The following KCNB2 variants were observed in gnomAD, a reference collection of about 807,000 sequenced individuals.
KCNB2 encodes the protein delayed rectifier potassium channel protein.
KCNB2 carries 15 observed loss-of-function variants against 61.5 expected under a neutral mutation model. That is an observed-to-expected ratio of 0.24 (90% CI 0.16 to 0.38). The LOEUF (loss-of-function observed/expected upper bound fraction) is 0.38. KCNB2 is among the 10% of genes least tolerant of loss of function. The pLI is 1.00. For synonymous variants in KCNB2, 457 were observed against 446.0 expected (o/e 1.02, Z -0.31); for missense variants, 828 against 1,125.2 (o/e 0.74, Z 3.78).
At chr8:72,735,221 T>C (rs1326108743) in intron 2 of KCNB2, among the ~76,000 whole-genome samples, 1 of 152,198 alleles carries the variant, frequency 6.6e-6, no homozygotes, top group African/African-American at 2.4e-5. Context: ...TTAACACAAA[T>C]TGTACAAATA....
chr8:72,558,833 A>AT (rs5892352), intron 1 of KCNB2, among the ~76,000 whole-genome samples: 132,798 of 152,112 alleles, frequency 0.87, 58,264 homozygotes, highest in East Asian at 0.96. Flanking sequence ...ACCTGGTTCT[A>AT]AAGTTCTTAC....
intron 2 of KCNB2, among the ~76,000 whole-genome samples, chr8:72,920,800 A>G (rs1806506726): frequency 6.6e-6 from 1 of 152,130 alleles, no homozygotes; most frequent in Non-Finnish European, 1.5e-5. Flanking sequence ...ATCCTAGGAA[A>G]TATTATGAAG....
intron 2 of KCNB2, among the ~76,000 whole-genome samples, chr8:72,814,450 T>G (rs1809357730): frequency 6.6e-6 from 1 of 152,182 alleles, no homozygotes; most frequent in Admixed American, 6.5e-5. Context: ...TTATATTCCC[T>G]CCAGCAGTAT....
intron 2 of KCNB2, among the ~76,000 whole-genome samples, chr8:72,646,590 G>A (rs548705037): frequency 5.7e-4 from 87 of 152,246 alleles, no homozygotes; most frequent in African/African-American, 1.5e-3. Flanking sequence ...GATGAACCTC[G>A]AGGACATTGT....
At chr8:72,760,150 G>A (rs1301499086) in intron 2 of KCNB2, among the ~76,000 whole-genome samples, 2 of 152,188 alleles carry the variant, frequency 1.3e-5, no homozygotes, top group African/African-American at 4.8e-5. Context: ...GTCATGGAAA[G>A]TCTACAGATT....
chr8:72,620,050 G>C (rs747463554), intron 2 of KCNB2, among the ~76,000 whole-genome samples: 1 of 152,160 alleles, frequency 6.6e-6, no homozygotes, highest in Non-Finnish European at 1.5e-5. Context: ...ATTGCATGCT[G>C]CAATAATATT....
chr8:72,797,005 G>A (rs557117407), intron 2 of KCNB2, among the ~76,000 whole-genome samples: 1 of 152,282 alleles, frequency 6.6e-6, no homozygotes, highest in African/African-American at 2.4e-5. Context: ...GTGTGTGAAA[G>A]TGCTTTGTAA....
At chr8:72,831,041 T>A (rs1367013707) in intron 2 of KCNB2, among the ~76,000 whole-genome samples, 1 of 152,226 alleles carries the variant, frequency 6.6e-6, no homozygotes, top group East Asian at 1.9e-4. Flanking sequence ...GGAATTAATT[T>A]TAAGTACATT....
chr8:72,704,298 T>C (rs963162174), intron 2 of KCNB2, among the ~76,000 whole-genome samples: 1 of 152,192 alleles, frequency 6.6e-6, no homozygotes, highest in Non-Finnish European at 1.5e-5. Context: ...TTTAGCATAA[T>C]TTTATCTCAT....
chr8:72,613,684 G>A (rs768883389), intron 2 of KCNB2, among the ~76,000 whole-genome samples: 6 of 152,158 alleles, frequency 3.9e-5, no homozygotes, highest in Admixed American at 2.6e-4. Flanking sequence ...AGGGGTATCC[G>A]ATGACCATAT....
chr8:72,773,514 T>G (rs1808597085), intron 2 of KCNB2, among the ~76,000 whole-genome samples: 1 of 152,178 alleles, frequency 6.6e-6, no homozygotes, highest in Non-Finnish European at 1.5e-5. Flanking sequence ...TAGATTACAT[T>G]AGGCTGGCTC....
At chr8:72,872,920 A>G (rs190553779) in intron 2 of KCNB2, among the ~76,000 whole-genome samples, 1 of 152,320 alleles carries the variant, frequency 6.6e-6, no homozygotes, top group East Asian at 1.9e-4. Context: ...TCTCCCCCAA[A>G]TAAAGACTGT....
intron 2 of KCNB2, among the ~76,000 whole-genome samples, chr8:72,890,956 G>A (rs546515911): frequency 1.4e-4 from 21 of 152,312 alleles, no homozygotes; most frequent in Non-Finnish European, 2.5e-4. Flanking sequence ...GGAATACCAA[G>A]TGTAGTTCTC....
At chr8:72,832,340 A>C (rs898634459) in intron 2 of KCNB2, among the ~76,000 whole-genome samples, 4 of 152,214 alleles carry the variant, frequency 2.6e-5, no homozygotes, top group Non-Finnish European at 5.9e-5. Context: ...GGACCAATAA[A>C]AGATAATTCC....
At chr8:72,758,597 C>T (rs72670014) in intron 2 of KCNB2, among the ~76,000 whole-genome samples, 1 of 152,318 alleles carries the variant, frequency 6.6e-6, no homozygotes, top group Non-Finnish European at 1.5e-5. Context: ...TCAAGATGCT[C>T]ATCTGCTCCA....
chr8:72,830,506 G>A (rs1563397710), intron 2 of KCNB2, among the ~76,000 whole-genome samples: 1 of 152,204 alleles, frequency 6.6e-6, no homozygotes, highest in Non-Finnish European at 1.5e-5. Context: ...AGAACTGCTT[G>A]TCGAGTTCTC....
chr8:72,758,074 T>C (rs1808318368), intron 2 of KCNB2, among the ~76,000 whole-genome samples: 1 of 152,208 alleles, frequency 6.6e-6, no homozygotes, highest in Admixed American at 6.5e-5. Context: ...GAGATTGCCC[T>C]CTGCAGAGTG....
At chr8:72,912,123 AG>A (rs1374931895) in intron 2 of KCNB2, among the ~76,000 whole-genome samples, 1 of 152,184 alleles carries the variant, frequency 6.6e-6, no homozygotes, top group Non-Finnish European at 1.5e-5. Flanking sequence ...TGTCATCAAA[AG>A]TTGTGTGCAT....
At chr8:72,757,651 G>C (rs1303173792) in intron 2 of KCNB2, among the ~76,000 whole-genome samples, 1 of 152,122 alleles carries the variant, frequency 6.6e-6, no homozygotes, top group Non-Finnish European at 1.5e-5. Context: ...GTGCGTGTGT[G>C]TGTGTGTGAT....
Sources: allele counts gnomAD v4.1 joint callset (sites outside exome capture counted in the v4.1 genomes callset), GRCh38; gene constraint gnomAD v4.1.1; transcripts MANE v1.5; gene names NCBI Gene and HGNC (gene_info 2026-07-23, HGNC 2026-07-21).